CADPS: variants seen among roughly 807,000 people sequenced by gnomAD.
CADPS encodes calcium dependent secretion activator, also known as calcium-dependent secretion activator 1.
Under a neutral mutation model 167.3 loss-of-function variants are expected in CADPS, and 57 were observed. The observed-to-expected ratio is 0.34, with a 90% CI of 0.28 to 0.42. CADPS has a LOEUF of 0.42. Among genes scored for constraint, CADPS ranks in the 20% least tolerant of loss-of-function variants. The pLI is 1.00. For synonymous variants in CADPS, 676 were observed against 635.3 expected (o/e 1.06, Z -0.96); for missense variants, 1,414 against 1,738.1 (o/e 0.81, Z 3.32).
Position 62,478,168 on chromosome 3 carries a change from C to T in CADPS, c.3329+93G>A. On this transcript the variant is annotated intron_variant, in intron 23 of 29. Transcript: ENST00000383710. The surrounding 1 kb of genome is among the most constrained non-coding windows in gnomAD (Gnocchi z 5.7). ...ATCCCCTTCTCCAATTAGTTTCAAA[C>T]TACAGCCAATTGAAAGAGCAGCCAT... 7.2e-7 allele frequency: 1 copy of T among 1,385,236 alleles called. No homozygotes were observed. The highest frequency in any genetic ancestry group is 1.0e-6 in the Non-Finnish European group (1 of 995,172). 85.8% of individuals were successfully genotyped at this position (1,385,236 alleles called of 1,614,324 possible). A position where few individuals can be genotyped will look rare whatever the true frequency, so the allele number is the denominator to read the frequency against.
chr3:62,425,173 G>T (rs2052364868), intron 28 of CADPS, among the ~76,000 whole-genome samples: 1 of 152,196 alleles, frequency 6.6e-6, no homozygotes. Flanking sequence ...GGTATTAACA[G>T]AAATAAACAT....
At chr3:62,766,702 C>G (rs115166873) in intron 1 of CADPS, among the ~76,000 whole-genome samples, 433 of 152,278 alleles carry the variant, frequency 2.8e-3, no homozygotes, top group African/African-American at 0.01. Context: ...ACCTTTCTTT[C>G]TTAGGAAAAC....
At chr3:62,843,919 A>G (rs1052763640) in intron 1 of CADPS, among the ~76,000 whole-genome samples, 6 of 152,200 alleles carry the variant, frequency 3.9e-5, no homozygotes, top group African/African-American at 1.4e-4. Context: ...TAAAAATGTA[A>G]AAAGATCAAT....
At chr3:62,660,922 G>A (rs1246583652) in intron 4 of CADPS, among the ~76,000 whole-genome samples, 1 of 152,136 alleles carries the variant, frequency 6.6e-6, no homozygotes, top group African/African-American at 2.4e-5. Flanking sequence ...CTGAGCTGAG[G>A]GTGTGCCACA....
intron 21 of CADPS, among the ~76,000 whole-genome samples, chr3:62,488,915 C>A (rs2063253145): frequency 6.6e-6 from 1 of 152,182 alleles, no homozygotes; most frequent in Admixed American, 6.5e-5. Context: ...TACTAAAAAA[C>A]ACACACGTAT....
At chr3:62,519,606 T>C (rs539848912) in intron 13 of CADPS, among the ~76,000 whole-genome samples, 2 of 152,222 alleles carry the variant, frequency 1.3e-5, no homozygotes, top group East Asian at 3.9e-4. Context: ...TCTCAAATGT[T>C]AATTTACAAA....
chr3:62,704,527 A>T (rs1448956079), intron 3 of CADPS, among the ~76,000 whole-genome samples: 10 of 152,086 alleles, frequency 6.6e-5, no homozygotes, highest in Non-Finnish European at 1.5e-4. Context: ...TGTGCCCCCA[A>T]CTAGAATCCC....
At chr3:62,653,782 C>T (rs1335174943) in intron 4 of CADPS, among the ~76,000 whole-genome samples, 11 of 152,126 alleles carry the variant, frequency 7.2e-5, no homozygotes, top group African/African-American at 2.2e-4. Flanking sequence ...GAAAGAACAC[C>T]GAGATTCTGC....
rs144346832 is a variant in CADPS, at chr3:62,426,836, G to A, written c.3777+11268C>T. 2.4e-3 allele frequency among the ~76,000 whole-genome samples: 357 copies of A among 151,904 alleles called. 12 individuals carry two copies. The East Asian group carries it at 0.061, about 26-fold the overall frequency. Reference sequence around the variant, plus strand: ...TAATCCCAGCACTTTGGGAGGCCGAGGGGGGCAGATCATGAGGTCAGGAGA... The same window carrying A: ...TAATCCCAGCACTTTGGGAGGCCGAAGGGGGCAGATCATGAGGTCAGGAGA... On this transcript the variant is annotated intron_variant, in intron 28 of 29. Coordinates refer to ENST00000383710, the MANE Select transcript of CADPS (RefSeq NM_003716.4).
rs746277038 is a variant in CADPS, at chr3:62,753,629, G to T, written c.700C>A (p.Leu234Met). 1.2e-6 allele frequency: 2 copies of T among 1,614,150 alleles called. No individual in the cohort carries two copies. The highest frequency in any genetic ancestry group is 2.2e-5 in the East Asian group (1 of 44,866). ...EIDGLSKETV[L>M]SSWMAKFDAI... is the part of the protein sequence containing the mutation. ...TCAAATTTGGCCATCCAGGAGCTCAGCACAGTCTCCTTGCTGAGGCCGTCA... is the reference window on the plus strand; with the variant it reads ...TCAAATTTGGCCATCCAGGAGCTCATCACAGTCTCCTTGCTGAGGCCGTCA... Residue 234 changes from leucine to methionine, a missense_variant, in exon 3 of 30, where the codon CTG becomes ATG. This residue lies in a region of CADPS where 522 missense variants were observed against 559.5 expected (regional missense o/e 0.93). Transcript: ENST00000383710. The surrounding 1 kb of genome is among the most constrained non-coding windows in gnomAD (Gnocchi z 4.6).
At chr3:62,856,696 T>A (rs1224032144) in intron 1 of CADPS, among the ~76,000 whole-genome samples, 1 of 151,842 alleles carries the variant, frequency 6.6e-6, no homozygotes, top group Non-Finnish European at 1.5e-5. Flanking sequence ...ATTAATAATA[T>A]TAATACAATA....
At chr3:62,655,234 G>A (rs947669884) in intron 4 of CADPS, among the ~76,000 whole-genome samples, 1 of 152,186 alleles carries the variant, frequency 6.6e-6, no homozygotes, top group African/African-American at 2.4e-5. Context: ...AGTTTCTTGA[G>A]TGGAGTTTTT....
chr3:62,519,759 A>C (rs1274572983), intron 13 of CADPS, among the ~76,000 whole-genome samples: 2 of 152,028 alleles, frequency 1.3e-5, no homozygotes. Context: ...AGCTGGGATT[A>C]TGGGTGCAAG....
At chr3:62,852,446 A>G (rs1252951434) in intron 1 of CADPS, among the ~76,000 whole-genome samples, 1 of 151,990 alleles carries the variant, frequency 6.6e-6, no homozygotes, top group Admixed American at 6.6e-5. Context: ...TTTCTTTGAG[A>G]TTACTTTTGC....
At chr3:62,746,624 C>T (rs1195391621) in intron 3 of CADPS, among the ~76,000 whole-genome samples, 4 of 152,162 alleles carry the variant, frequency 2.6e-5, no homozygotes, top group Non-Finnish European at 5.9e-5. Context: ...AGATGTGAGC[C>T]ACTGTGCCCA....
intron 6 of CADPS, among the ~76,000 whole-genome samples, chr3:62,639,975 A>G (rs1448278877): frequency 6.6e-6 from 1 of 152,046 alleles, no homozygotes; most frequent in Non-Finnish European, 1.5e-5. Flanking sequence ...AACACAAATT[A>G]TAATCTGTTG....
At chr3:62,644,808 G>T (rs1311893082) in intron 6 of CADPS, among the ~76,000 whole-genome samples, 1 of 152,166 alleles carries the variant, frequency 6.6e-6, no homozygotes, top group Non-Finnish European at 1.5e-5. Context: ...GGCCTATTCT[G>T]CATCTGTCCT....
chr3:62,868,109 C>A (rs1209623202), intron 1 of CADPS, among the ~76,000 whole-genome samples: 7 of 152,118 alleles, frequency 4.6e-5, no homozygotes, highest in Non-Finnish European at 8.8e-5. Context: ...CATGCCTAGA[C>A]TGACAAATGA....
chr3:62,548,216 A>T (rs975851703), intron 11 of CADPS, among the ~76,000 whole-genome samples: 1 of 152,154 alleles, frequency 6.6e-6, no homozygotes, highest in Admixed American at 6.5e-5. Flanking sequence ...GATTTTTGTC[A>T]TACTTTAAAA....
Sources: gnomAD v4.1 joint callset for allele counts (sites outside exome capture counted in the v4.1 genomes callset) on GRCh38, gnomAD v4.1.1 for gene constraint, gnomAD v4.1.1 regional missense constraint, Gnocchi (gnomAD v3.1) non-coding constraint, MANE v1.5 for transcripts, NCBI Gene and HGNC (gene_info 2026-07-23, HGNC 2026-07-21) for gene names.